The following FBXL13 variants were observed in gnomAD, a reference collection of about 807,000 sequenced individuals.
FBXL13 encodes the protein F-box and leucine rich repeat protein 13, also known as F-box and leucine-rich repeat protein 13.
Under a neutral mutation model 83.6 loss-of-function variants are expected in FBXL13, and 67 were observed. That is an observed-to-expected ratio of 0.80 (90% CI 0.66 to 0.98). FBXL13 has a LOEUF of 0.98. FBXL13 is among the 50% of genes least tolerant of loss of function. FBXL13 has a pLI of 0.00. For synonymous variants in FBXL13, 272 were observed against 299.5 expected (o/e 0.91, Z 0.95); for missense variants, 822 against 866.5 (o/e 0.95, Z 0.64).
chr7:102,843,078 A>G (rs539616697), intron 17 of FBXL13, among the ~76,000 whole-genome samples: 1 of 152,296 alleles, frequency 6.6e-6, no homozygotes, highest in Admixed American at 6.5e-5. Flanking sequence ...AATTTTTAAA[A>G]TCGAAAGTTT....
chr7:103,020,601 A>G (rs1793038291), intron 6 of FBXL13, among the ~76,000 whole-genome samples: 1 of 152,218 alleles, frequency 6.6e-6, no homozygotes, highest in Admixed American at 6.5e-5. Context: ...CTCAGCCCAA[A>G]ATCTCCTTAA....
At chr7:102,882,232 C>A (rs911504001) in intron 14 of FBXL13, among the ~76,000 whole-genome samples, 2 of 151,892 alleles carry the variant, frequency 1.3e-5, no homozygotes, top group Non-Finnish European at 2.9e-5. Flanking sequence ...TCAGCCTGGG[C>A]AATAGAGCAA....
At chr7:102,938,416 T>C (rs1820739631) in intron 8 of FBXL13, among the ~76,000 whole-genome samples, 1 of 152,192 alleles carries the variant, frequency 6.6e-6, no homozygotes, top group Non-Finnish European at 1.5e-5. Flanking sequence ...TTCAGAGTAG[T>C]TCTGAGGTTG....
chr7:102,893,773 A>G (rs1457203665), intron 11 of FBXL13, among the ~76,000 whole-genome samples: 1 of 150,234 alleles, frequency 6.7e-6, no homozygotes, highest in Non-Finnish European at 1.5e-5. Context: ...GTCTCAAAAA[A>G]AAAAAAAAAA....
At chr7:102,974,154 G>T (rs531415412) in intron 6 of FBXL13, among the ~76,000 whole-genome samples, 24 of 152,254 alleles carry the variant, frequency 1.6e-4, no homozygotes, top group African/African-American at 4.8e-4. Flanking sequence ...ACTTTGCGAG[G>T]GTGAGGTGGG....
At chr7:102,934,819 A>C in intron 8 of FBXL13, 1 of 854,002 alleles carries the variant, frequency 1.2e-6, no homozygotes, top group East Asian at 2.7e-5. Flanking sequence ...CCTATTGACA[A>C]TGGAATTTAC....
chr7:103,055,045 G>T, intron 2 of FBXL13, 43 bp downstream of exon 3: 1 of 1,143,544 alleles, frequency 8.7e-7, no homozygotes, highest in Non-Finnish European at 1.2e-6. Context: ...TTCCATCGAA[G>T]TTTAAAATAT....
intron 8 of FBXL13, among the ~76,000 whole-genome samples, chr7:102,949,255 A>G (rs1480040038): frequency 6.6e-6 from 1 of 152,132 alleles, no homozygotes; most frequent in East Asian, 1.9e-4. Context: ...AAAAGCTAAA[A>G]CATCTCTGAG....
chr7:102,962,392 A>C (rs1418728913), intron 8 of FBXL13, among the ~76,000 whole-genome samples: 2 of 152,178 alleles, frequency 1.3e-5, no homozygotes, highest in Non-Finnish European at 2.9e-5. Flanking sequence ...GTGGGACTGT[A>C]AACTAGTTCA....
chr7:102,936,546 T>C (rs764021452), intron 8 of FBXL13, among the ~76,000 whole-genome samples: 1 of 152,224 alleles, frequency 6.6e-6, no homozygotes, highest in Non-Finnish European at 1.5e-5. Context: ...TCCTTAGTGC[T>C]TCATGCTGAA....
At chr7:103,065,245 G>A (rs1798283964) in intron 1 of FBXL13, among the ~76,000 whole-genome samples, 1 of 151,998 alleles carries the variant, frequency 6.6e-6, no homozygotes, top group African/African-American at 2.4e-5. Flanking sequence ...CAGTAGTATA[G>A]GGAACACTTA....
chr7:102,831,383 A>C (rs1398913371), intron 18 of FBXL13, among the ~76,000 whole-genome samples: 1 of 146,560 alleles, frequency 6.8e-6, no homozygotes, highest in Non-Finnish European at 1.5e-5. Flanking sequence ...TTAAACATCT[A>C]CAGTGCCCGG....
At chr7:102,862,014 G>T (rs1414328657) in intron 16 of FBXL13, among the ~76,000 whole-genome samples, 2 of 149,484 alleles carry the variant, frequency 1.3e-5, no homozygotes, top group African/African-American at 4.9e-5. Flanking sequence ...ATCTGCATAT[G>T]TGTGTGTATA....
intron 8 of FBXL13, among the ~76,000 whole-genome samples, chr7:102,960,245 A>T (rs1824963414): frequency 1.3e-5 from 2 of 152,170 alleles, no homozygotes; most frequent in Admixed American, 1.3e-4. Flanking sequence ...AGAAATGGAT[A>T]AATTCCCGGA....
At chr7:103,071,286 T>C (rs1035303463) in intron 1 of FBXL13, among the ~76,000 whole-genome samples, 2 of 152,182 alleles carry the variant, frequency 1.3e-5, no homozygotes, top group African/African-American at 4.8e-5. Flanking sequence ...AGAAGTACTA[T>C]TTGAAAAGAA....
At chr7:102,986,808 G>C (rs181284052) in intron 6 of FBXL13, among the ~76,000 whole-genome samples, 1 of 151,634 alleles carries the variant, frequency 6.6e-6, no homozygotes, top group African/African-American at 2.4e-5. Flanking sequence ...GAGATCAGTT[G>C]GTTGTAACTA....
intron 8 of FBXL13, among the ~76,000 whole-genome samples, chr7:102,940,136 C>T (rs141402916): frequency 0.013 from 2,000 of 151,944 alleles, 41 homozygotes; most frequent in African/African-American, 0.045. Flanking sequence ...TCAGGTGATC[C>T]GCCCACCTTG....
intron 2 of FBXL13, among the ~76,000 whole-genome samples, chr7:103,054,390 GAAAA>G (rs5886240): frequency 4.1e-5 from 5 of 120,490 alleles, no homozygotes; most frequent in African/African-American, 1.2e-4. Context: ...ACTCCGTCTG[GAAAA>G]AAAAAAAAAA....
rs201107252 is a variant in FBXL13 at position 102,902,936 on chromosome 7, A to ATT, written c.1008+10148_1008+10149dup. Among the ~76,000 whole-genome samples the ATT allele has an allele frequency of 8.7e-5, 13 of 148,898 alleles. No individual in the cohort carries two copies. The East Asian group carries it at 1.2e-3, about 14-fold the overall frequency. ...TTAGTCGTTCCATATAAATTTTAGG[A>ATT]TTTTTTTTTTCTATTTCTGTGAAGA... On this transcript the variant is annotated intron_variant, in intron 11 of 19. Coordinates refer to ENST00000313221, the Ensembl canonical transcript of FBXL13.
Sources: gnomAD v4.1 joint callset for allele counts (sites outside exome capture counted in the v4.1 genomes callset) on GRCh38, gnomAD v4.1.1 for gene constraint, MANE v1.5 for transcripts, NCBI Gene and HGNC (gene_info 2026-07-23, HGNC 2026-07-21) for gene names.